KIAA0825: variants seen among roughly 807,000 people sequenced by gnomAD.
The protein encoded by KIAA0825 is KIAA0825.
In KIAA0825, 119 loss-of-function variants were observed where a neutral mutation model predicts 147.6. The ratio of observed to expected loss-of-function variants is 0.81; its 90% CI spans 0.69 to 0.94. The LOEUF (loss-of-function observed/expected upper bound fraction) is 0.94. Among genes scored for constraint, KIAA0825 ranks in the 40% least tolerant of loss-of-function variants. The probability of loss-of-function intolerance (pLI) is 0.00; values close to 1 mark genes in which losing one functional copy is unlikely to be tolerated. For synonymous variants in KIAA0825, 470 were observed against 518.1 expected (o/e 0.91, Z 1.26); for missense variants, 1,381 against 1,472.7 (o/e 0.94, Z 1.02).
chr5:94,182,947 T>C (rs942302838), intron 20 of KIAA0825, among the ~76,000 whole-genome samples: 4 of 152,198 alleles, frequency 2.6e-5, no homozygotes, highest in African/African-American at 7.2e-5. Flanking sequence ...TTAGTAATTA[T>C]GGTTTTTCTT....
chr5:94,426,234 A>C (rs1754866261), intron 14 of KIAA0825, among the ~76,000 whole-genome samples: 2 of 152,040 alleles, frequency 1.3e-5, no homozygotes, highest in Admixed American at 6.6e-5. Context: ...AGAAATCAGT[A>C]TATCAATGGG....
chr5:94,434,886 C>A (rs974599247), intron 14 of KIAA0825, among the ~76,000 whole-genome samples: 2 of 152,156 alleles, frequency 1.3e-5, no homozygotes, highest in African/African-American at 4.8e-5. Context: ...AACATTGTTA[C>A]AATGGCAATT....
chr5:94,491,485 GCTCGGTTC>G (rs1763725136), intron 5 of KIAA0825, among the ~76,000 whole-genome samples: 1 of 152,042 alleles, frequency 6.6e-6, no homozygotes, highest in Non-Finnish European at 1.5e-5. Context: ...CTCCTCAAAT[GCTCGGTTC>G]CATGGAGCCA....
intron 13 of KIAA0825, among the ~76,000 whole-genome samples, chr5:94,449,071 A>G (rs951346762): frequency 5.3e-5 from 8 of 152,168 alleles, no homozygotes; most frequent in African/African-American, 1.9e-4. Context: ...TGGAGAATTT[A>G]GAAAGACAAA....
intron 20 of KIAA0825, among the ~76,000 whole-genome samples, chr5:94,254,832 A>AC (rs1267002778): frequency 1.9e-4 from 29 of 152,172 alleles, no homozygotes; most frequent in African/African-American, 5.5e-4. Flanking sequence ...GCCTCTATGG[A>AC]AACAGTCTGA....
At chr5:94,261,637 T>C (rs151100439) in intron 20 of KIAA0825, among the ~76,000 whole-genome samples, 53 of 152,294 alleles carry the variant, frequency 3.5e-4, no homozygotes, top group African/African-American at 1.2e-3. Context: ...GTCTAGTCTC[T>C]TCCCTAAACC....
intron 2 of KIAA0825, among the ~76,000 whole-genome samples, chr5:94,541,907 C>A (rs1026993433): frequency 6.6e-6 from 1 of 152,128 alleles, no homozygotes; most frequent in African/African-American, 2.4e-5. Context: ...TATTGGTATA[C>A]GTTCCAAAAT....
rs1781370984 is a variant in KIAA0825, at chr5:94,332,375, C to T, written c.3710+51993G>A. On this transcript the variant is annotated intron_variant, in intron 20 of 20. Coordinates refer to ENST00000682413, the MANE Select transcript of KIAA0825 (RefSeq NM_001145678.3). Reference sequence around the variant, plus strand: ...TATTTCTCCTAATGCTATCCCTCCCCTTGCCACCACCCCCGATAGGCCCTG... The same window carrying T: ...TATTTCTCCTAATGCTATCCCTCCCTTTGCCACCACCCCCGATAGGCCCTG... Among the ~76,000 whole-genome samples, 3 of 152,010 alleles carry T rather than the reference C, an allele frequency of 2.0e-5. No homozygotes were observed. In the South Asian group the frequency reaches 6.2e-4, roughly 31 times the overall value.
intron 20 of KIAA0825, among the ~76,000 whole-genome samples, chr5:94,244,574 C>A (rs1473950447): frequency 2.6e-5 from 4 of 152,116 alleles, no homozygotes; most frequent in African/African-American, 9.7e-5. Context: ...TTGTCTCAAG[C>A]AATCCTCCCA....
intron 2 of KIAA0825, among the ~76,000 whole-genome samples, chr5:94,556,382 G>A (rs1776550967): frequency 6.6e-6 from 1 of 152,064 alleles, no homozygotes; most frequent in Non-Finnish European, 1.5e-5. Context: ...CCCGCCAGAT[G>A]TCAATTACAT....
chr5:94,172,763 A>G (rs1355641847), intron 20 of KIAA0825, among the ~76,000 whole-genome samples: 2 of 152,156 alleles, frequency 1.3e-5, no homozygotes, highest in Admixed American at 6.5e-5. Flanking sequence ...CTCAAATGCA[A>G]TGTGGTAGAA....
At chr5:94,231,935 C>A (rs1432290306) in intron 20 of KIAA0825, among the ~76,000 whole-genome samples, 1 of 152,094 alleles carries the variant, frequency 6.6e-6, no homozygotes, top group Non-Finnish European at 1.5e-5. Context: ...CTGTGTATAA[C>A]TGGAAGCCTA....
chr5:94,162,119 C>T (rs1767643513), intron 20 of KIAA0825, among the ~76,000 whole-genome samples: 1 of 152,128 alleles, frequency 6.6e-6, no homozygotes, highest in African/African-American at 2.4e-5. Context: ...TCTTATTTCT[C>T]AGCATTTACA....
chr5:94,382,358 C>T (rs1041883745), intron 20 of KIAA0825, among the ~76,000 whole-genome samples: 19 of 152,138 alleles, frequency 1.2e-4, no homozygotes, highest in African/African-American at 4.6e-4. Flanking sequence ...TAAGTTCCAA[C>T]AAGAGAGACA....
intron 20 of KIAA0825, among the ~76,000 whole-genome samples, chr5:94,300,070 G>A (rs935259245): frequency 2.6e-5 from 4 of 152,042 alleles, no homozygotes; most frequent in South Asian, 4.1e-4. Context: ...CAAAATTGGT[G>A]TCATGATATA....
chr5:94,544,542 G>C (rs191772624), intron 2 of KIAA0825, among the ~76,000 whole-genome samples: 1 of 152,044 alleles, frequency 6.6e-6, no homozygotes, highest in African/African-American at 2.4e-5. Flanking sequence ...TTTATTCATT[G>C]GTCTGAGCCT....
At chr5:94,444,163 G>T (rs774609705) in intron 13 of KIAA0825, among the ~76,000 whole-genome samples, 2 of 152,068 alleles carry the variant, frequency 1.3e-5, no homozygotes, top group African/African-American at 4.8e-5. Context: ...GCTTTCTATC[G>T]CAATAACTAT....
chr5:94,610,737 C>G (rs1486715029), intron 1 of KIAA0825, among the ~76,000 whole-genome samples: 1 of 124,728 alleles, frequency 8.0e-6, no homozygotes. Flanking sequence ...GCACTCCAGC[C>G]TGGGTGACAG....
At chr5:94,487,816 T>C (rs781705145) in intron 5 of KIAA0825, among the ~76,000 whole-genome samples, 11 of 152,058 alleles carry the variant, frequency 7.2e-5, no homozygotes, top group Non-Finnish European at 1.5e-5. Flanking sequence ...TAGCTGGGCG[T>C]AGTGGCGTGA....
Sources: allele counts gnomAD v4.1 joint callset (sites outside exome capture counted in the v4.1 genomes callset), GRCh38; gene constraint gnomAD v4.1.1; transcripts MANE v1.5; gene names NCBI Gene and HGNC (gene_info 2026-07-23, HGNC 2026-07-21).